The following COL6A1 variants were observed in gnomAD, a reference collection of about 807,000 sequenced individuals.
The protein encoded by COL6A1 is collagen type VI alpha 1 chain.
COL6A1 carries 80 observed loss-of-function variants against 145.6 expected under a neutral mutation model. The observed-to-expected ratio is 0.55, with a 90% CI of 0.46 to 0.66. The LOEUF (loss-of-function observed/expected upper bound fraction) is 0.66, where lower values mean the gene tolerates loss of function less well. Among genes scored for constraint, COL6A1 ranks in the 30% least tolerant of loss-of-function variants. The probability of loss-of-function intolerance (pLI) is 0.00; values close to 1 mark genes in which losing one functional copy is unlikely to be tolerated. For missense variants in COL6A1, 1,364 were observed against 1,473.8 expected (o/e 0.93, Z 1.22); for synonymous variants, 638 against 622.8 (o/e 1.02, Z -0.36).
rs1225136328 is a variant in COL6A1, at chr21:46,003,674, C to T, written c.2748C>T (p.Val916=). The change falls in exon 35 of 35, where the codon GTC becomes GTT. Residue 916 remains valine (V), a synonymous_variant. Transcript: ENST00000361866. ...ACTTTATCAACGACGCCACCGACGTCAACGATGCCCTGGGCTATGTGACCC... is the reference window on the plus strand; with the variant it reads ...ACTTTATCAACGACGCCACCGACGTTAACGATGCCCTGGGCTATGTGACCC... ...AMDFINDATD[V]NDALGYVTRF... 1 of 1,613,126 alleles carries T rather than the reference C, an allele frequency of 6.2e-7. No individual in the cohort carries two copies. The highest frequency in any genetic ancestry group is 1.3e-5 in the African/African-American group (1 of 75,078).
Position 46,001,352 on chromosome 21 carries a change from T to G in COL6A1, c.1922T>G (p.Val641Gly). The change falls in exon 30 of 35, where the codon GTC (valine) becomes GGC (glycine). Residue 641 changes from valine (V) to glycine (G), a missense_variant. Val to Gly is a moderately radical substitution (Grantham distance 109). This residue lies in a region of COL6A1 where 938 missense variants were observed against 1,003.8 expected (regional missense o/e 0.93). Transcript: ENST00000361866. ...ATTGCCAAGGACTTCGTCGTCAAGG[T>G]CATCGACCGGCTGAGCCGGGACGAG... ...FEIAKDFVVK[V>G]IDRLSRDELV... The G allele has an allele frequency of 6.2e-7, 1 of 1,612,558 alleles. No homozygotes were observed. The highest frequency in any genetic ancestry group is 8.5e-7 in the Non-Finnish European group (1 of 1,179,868).
At chr21:45,982,159 A>G (rs1266818025) in intron 1 of COL6A1, among the ~76,000 whole-genome samples, 1 of 149,298 alleles carries the variant, frequency 6.7e-6, no homozygotes, top group African/African-American at 2.5e-5. Flanking sequence ...CAGCATTCTC[A>G]GCGGGGCCGG....
chr21:45,996,393 C>T (rs1294127380), intron 20 of COL6A1, among the ~76,000 whole-genome samples: 1 of 152,246 alleles, frequency 6.6e-6, no homozygotes, highest in African/African-American at 2.4e-5. Context: ...ACAGCCAGGC[C>T]TGGGTGCTTG....
At chr21:45,987,239 T>C (rs1218533170) in intron 6 of COL6A1, 64 bp downstream of exon 6, 1 of 1,577,466 alleles carries the variant, frequency 6.3e-7, no homozygotes, top group Non-Finnish European at 8.6e-7. Context: ...CGTCCACCTG[T>C]GTGTTCAGGA....
chr21:46,002,012 A>C lies in COL6A1; in HGVS notation c.2008A>C (p.Met670Leu). 1 of 1,612,726 alleles carries C rather than the reference A, an allele frequency of 6.2e-7. No individual in the cohort carries two copies. Among genetic ancestry groups the C allele is most frequent in the Non-Finnish European group, 8.5e-7 (1 of 1,179,878 alleles). ...TGTGGTGCAGTACAGCCACAGCCAG[A>C]TGCAGGAGCACGTGAGCCTGCGCAG... The part of the protein sequence containing the change: ...AGVVQYSHSQ[M>L]QEHVSLRSPS... The change falls in exon 31 of 35, where the codon ATG becomes CTG. Residue 670 changes from methionine (M) to leucine (L), a missense_variant. Met to Leu is a conservative substitution (Grantham distance 15, BLOSUM62 2). Transcript: ENST00000361866.
intron 14 of COL6A1, 63 bp downstream of exon 14, chr21:45,990,889 C>T (rs914873681): frequency 2.4e-5 from 39 of 1,608,062 alleles, no homozygotes; most frequent in African/African-American, 6.7e-5. Context: ...TCGTGTGGAC[C>T]GTTTTGACTT....
chr21:45,998,370 G>A (rs575407738), intron 23 of COL6A1, 28 bp from the exon 24 acceptor site: 7 of 1,613,018 alleles, frequency 4.3e-6, no homozygotes, highest in East Asian at 2.2e-5. Context: ...TCAGAACCCG[G>A]TATCACTGCC....
intron 30 of COL6A1, 84 bp from the exon 31 acceptor site, chr21:46,001,877 C>T: frequency 2.4e-6 from 3 of 1,237,876 alleles, no homozygotes; most frequent in Non-Finnish European, 3.5e-6. Context: ...CCTCTGGGCA[C>T]CCGCAGCCAA....
chr21:45,996,202 A>G (rs1177628593), intron 20 of COL6A1, among the ~76,000 whole-genome samples: 1 of 152,120 alleles, frequency 6.6e-6, no homozygotes, highest in Non-Finnish European at 1.5e-5. Flanking sequence ...CCTCCTTTCC[A>G]TCCTTCCTCC....
intron 3 of COL6A1, 38 bp from the exon 4 acceptor site, chr21:45,986,488 C>T: frequency 1.9e-6 from 3 of 1,548,992 alleles, no homozygotes; most frequent in Non-Finnish European, 1.7e-6. Context: ...AGTTCCCCCA[C>T]CTAGTCTCGA....
rs1406608641 is a variant in COL6A1, at chr21:45,986,670, C to G, written c.573C>G (p.Ile191Met). The change falls in exon 4 of 35, where the codon ATC (isoleucine) becomes ATG (methionine). Residue 191 changes from isoleucine (I) to methionine (M), a missense_variant. By Grantham distance (10) the Ile-to-Met change is conservative (BLOSUM62 1). Around this residue, in one of 3 missense-constraint regions of COL6A1, gnomAD observed 414 missense variants for 437.6 expected, o/e 0.95. Transcript: ENST00000361866. The stretch of plus-strand genomic sequence containing the variant: ...GCGTCAAAGTCTTCTCGGTGGCCAT[C>G]ACACCCGACCACCTGGTAGGCACCG... ...HLGVKVFSVA[I>M]TPDHLEPRLS... The G allele has an allele frequency of 1.3e-6, 2 of 1,548,524 alleles. No individual in the cohort carries two copies. The highest frequency in any genetic ancestry group is 2.0e-5 in the Admixed American group (1 of 51,148).
Position 46,002,699 on chromosome 21 carries a change from A to G in COL6A1, c.2423A>G (p.Gln808Arg). The change falls in exon 33 of 35, where the codon CAG (glutamine) becomes CGG (arginine). Residue 808 changes from glutamine (Q) to arginine (R), a missense_variant. Gln to Arg is a conservative substitution (Grantham distance 43). Around this residue, in one of 3 missense-constraint regions of COL6A1, gnomAD observed 938 missense variants for 1,003.8 expected, o/e 0.93. Transcript: ENST00000361866. ...GCCTTCCTGAAGAATGTCACCGCCCAGATCTGCATAGGTGCGCATGGGGCC... is the reference window on the plus strand; with the variant it reads ...GCCTTCCTGAAGAATGTCACCGCCCGGATCTGCATAGGTGCGCATGGGGCC... Reference protein sequence around the residue: ...EDAFLKNVTAQICIDKKCPDY... With the variant: ...EDAFLKNVTARICIDKKCPDY... 1.2e-6 allele frequency: 2 copies of G among 1,612,678 alleles called. No individual in the cohort carries two copies. Among genetic ancestry groups the G allele is most frequent in the Non-Finnish European group, 1.7e-6 (2 of 1,179,466 alleles).
intron 15 of COL6A1, among the ~76,000 whole-genome samples, 170 bp downstream of exon 15, chr21:45,991,211 G>C (rs2077775105): frequency 6.6e-6 from 1 of 152,230 alleles, no homozygotes; most frequent in Non-Finnish European, 1.5e-5. Context: ...AGCGGGGACA[G>C]TGCCCACCGT....
chr21:45,992,835 G>A, intron 19 of COL6A1, 25 bp downstream of exon 19: 1 of 1,578,618 alleles, frequency 6.3e-7, no homozygotes, highest in South Asian at 1.2e-5. Flanking sequence ...CTGGAGCTGG[G>A]AACCACCCCA....
intron 32 of COL6A1, 44 bp from the exon 33 acceptor site, chr21:46,002,480 CGAG>C (rs777348893): frequency 2.5e-6 from 4 of 1,613,280 alleles, no homozygotes; most frequent in East Asian, 2.2e-5. Context: ...CCCAGAAAGA[CGAG>C]GGCAGAGCAG....
chr21:45,984,663 G>A (rs1402352988), intron 3 of COL6A1, among the ~76,000 whole-genome samples, 194 bp downstream of exon 3: 2 of 152,138 alleles, frequency 1.3e-5, no homozygotes, highest in Non-Finnish European at 1.5e-5. Context: ...AACAGAAACA[G>A]GGAGAAACAG....
At position 45,997,432 on chromosome 21, in the gene COL6A1, C is replaced by T. The variant is rs1449686555; in HGVS notation, c.1410C>T (p.Gly470=). The change falls in exon 21 of 35, where the codon GGC becomes GGT. Residue 470 remains glycine (G), a synonymous_variant. Coordinates refer to ENST00000361866, the MANE Select transcript of COL6A1 (RefSeq NM_001848.3). ...VGVPGDPGEA[G]PIGPKGYRGD... is the part of the protein sequence containing the mutation. ...CCATCTCTCTACAGGGCGAGGCTGGCCCTATCGGACCTAAAGGCTACCGAG... is the reference window on the plus strand; with the variant it reads ...CCATCTCTCTACAGGGCGAGGCTGGTCCTATCGGACCTAAAGGCTACCGAG... 6.2e-7 allele frequency: 1 copy of T among 1,612,988 alleles called. No homozygotes were observed. The highest frequency in any genetic ancestry group is 8.5e-7 in the Non-Finnish European group (1 of 1,179,886).
At chr21:46,000,181 G>A (rs2077835166) in intron 27 of COL6A1, 150 bp from the exon 28 acceptor site, 2 of 846,012 alleles carry the variant, frequency 2.4e-6, no homozygotes, top group East Asian at 5.0e-5. Context: ...GGGGTGTAGT[G>A]GGCAGAGCCG....
chr21:45,999,016 G>A, intron 25 of COL6A1, 57 bp downstream of exon 25: 2 of 1,548,484 alleles, frequency 1.3e-6, no homozygotes, highest in African/African-American at 1.4e-5. Context: ...AGAGGGCTGG[G>A]CCCTTGAAGG....
Sources: allele counts gnomAD v4.1 joint callset (sites outside exome capture counted in the v4.1 genomes callset), GRCh38; gene constraint gnomAD v4.1.1; regional missense constraint gnomAD v4.1.1; transcripts MANE v1.5; gene names NCBI Gene and HGNC (gene_info 2026-07-23, HGNC 2026-07-21).